Variants in SCN2A observed in about 807,000 individuals in gnomAD.
SCN2A encodes sodium voltage-gated channel alpha subunit 2.
Under a neutral mutation model 188.7 loss-of-function variants are expected in SCN2A, and 20 were observed. The ratio of observed to expected loss-of-function variants is 0.11; its 90% CI spans 0.07 to 0.15. SCN2A has a LOEUF of 0.15. Among genes scored for constraint, SCN2A ranks in the 10% least tolerant of loss-of-function variants. The pLI, the probability that SCN2A is intolerant of heterozygous loss-of-function variation, is 1.00. For missense variants in SCN2A, 1,278 were observed against 2,445.0 expected (o/e 0.52, Z 10.07); for synonymous variants, 804 against 833.1 (o/e 0.97, Z 0.60).
In SCN2A at chr2:165,288,579, C is replaced by T. The variant is rs527909683; in HGVS notation, c.-51-7194C>T. 1.2e-4 allele frequency among the ~76,000 whole-genome samples: 18 copies of T among 150,964 alleles called. No individual in the cohort carries two copies. The Middle Eastern group carries it at 0.01, about 87-fold the overall frequency. On this transcript the variant is annotated intron_variant, in intron 1 of 26. Transcript: ENST00000375437. ...GCTTTTCTCACCAGTAAACACTGAA[C>T]GTGAGTTCTTCATATTCTACTATTC...
At chr2:165,372,176 G>A (rs964975822) in intron 20 of SCN2A, 1 of 152,024 alleles carries the variant, frequency 6.6e-6, no homozygotes, top group Admixed American at 6.6e-5. Context: ...TGTTAAAAAG[G>A]GACTTACAAA....
chr2:165,363,271 G>A (rs1700552844), intron 17 of SCN2A, among the ~76,000 whole-genome samples: 1 of 152,112 alleles, frequency 6.6e-6, no homozygotes, highest in African/African-American at 2.4e-5. Flanking sequence ...ATGTCAGCCT[G>A]AGCATTTGCA....
intron 5 of SCN2A, 148 bp from the exon 6 acceptor site, chr2:165,309,204 T>C (rs1315847896): frequency 1.2e-6 from 2 of 1,613,654 alleles, no homozygotes; most frequent in South Asian, 1.1e-5. Flanking sequence ...ATGTTTCAGC[T>C]CTTCGAACTT....
chr2:165,305,591 G>A (rs552425282), intron 3 of SCN2A, among the ~76,000 whole-genome samples: 6 of 142,842 alleles, frequency 4.2e-5, no homozygotes, highest in Non-Finnish European at 9.2e-5. Flanking sequence ...CCAGGGAATT[G>A]GAACCTCCTG....
chr2:165,375,990 A>C (rs1456688180), intron 22 of SCN2A, among the ~76,000 whole-genome samples: 2 of 151,962 alleles, frequency 1.3e-5, no homozygotes, highest in Non-Finnish European at 2.9e-5. Flanking sequence ...TATATATGGA[A>C]TCTAAAAAAC....
chr2:165,271,072 C>A (rs919638266), intron 1 of SCN2A: 2 of 152,094 alleles, frequency 1.3e-5, no homozygotes, highest in African/African-American at 4.8e-5. Flanking sequence ...TTTTAAAAAT[C>A]TGTTCAAGCT....
intron 17 of SCN2A, among the ~76,000 whole-genome samples, chr2:165,359,669 G>A (rs923669495): frequency 6.6e-6 from 1 of 152,054 alleles, no homozygotes; most frequent in African/African-American, 2.4e-5. Flanking sequence ...GGTGGAATGG[G>A]TTCAACAGAC....
Position 165,269,865 on chromosome 2 carries a change from A to G in SCN2A, c.-51-25908A>G, listed in dbSNP as rs185733295. 375 of 152,066 alleles carry G rather than the reference A, an allele frequency of 2.5e-3. 3 individuals are homozygous for G. Among genetic ancestry groups the G allele is most frequent in the African/African-American group, 8.4e-3 (350 of 41,526 alleles). 9.4% of individuals were successfully genotyped at this position (152,066 alleles called of 1,614,324 possible). ...CATTTATAACATCTTATTTCTTCTG[A>G]AAACAACCAACACAACCCATTTCTT... On this transcript the variant is annotated intron_variant, in intron 1 of 26. Transcript: ENST00000375437.
At chr2:165,259,314 G>A (rs1694471126) in intron 1 of SCN2A, among the ~76,000 whole-genome samples, 2 of 152,156 alleles carry the variant, frequency 1.3e-5, no homozygotes, top group African/African-American at 4.8e-5. Context: ...AGGTTGAGTG[G>A]CTGTGGCAAC....
intron 23 of SCN2A, among the ~76,000 whole-genome samples, chr2:165,379,776 A>G (rs546456752): frequency 2.6e-5 from 4 of 151,848 alleles, no homozygotes; most frequent in African/African-American, 7.2e-5. Context: ...TTGATTTCAT[A>G]ACACAGTGGG....
At chr2:165,377,445 G>T (rs894945683) in intron 22 of SCN2A, 152 bp from the exon 23 acceptor site, 13 of 597,776 alleles carry the variant, frequency 2.2e-5, no homozygotes, top group Non-Finnish European at 3.5e-5. Context: ...AATGCATATC[G>T]CAAAACATTG....
Position 165,295,941 on chromosome 2 carries a change from G to A in SCN2A, c.118G>A (p.Glu40Lys), listed in dbSNP as rs1553564192. 6.2e-7 allele frequency: 1 copy of A among 1,614,094 alleles called. No homozygotes were observed. Among genetic ancestry groups the A allele is most frequent in the Non-Finnish European group, 8.5e-7 (1 of 1,180,024 alleles). Residue 40 changes from glutamate (E) to lysine (K), a missense_variant, in exon 2 of 27, where the codon GAA becomes AAA. Glu to Lys is a moderately conservative substitution (Grantham distance 56, BLOSUM62 1). Around this residue, in one of 17 missense-constraint regions of SCN2A, gnomAD observed 141 missense variants for 185.4 expected, o/e 0.76. Coordinates refer to ENST00000375437, the MANE Select transcript of SCN2A (RefSeq NM_001040142.2). ...AEEKAKRPKQ[E>K]RKDEDDENGP... ...AGAGAAAGCTAAGAGACCCAAACAGGAACGCAAGGATGAGGATGATGAAAA... is the reference window on the plus strand; with the variant it reads ...AGAGAAAGCTAAGAGACCCAAACAGAAACGCAAGGATGAGGATGATGAAAA...
At position 165,239,436 on chromosome 2, in the gene SCN2A, A is replaced by G. The variant is rs954649105; in HGVS notation, c.-256A>G. 2 of 154,780 alleles carry G rather than the reference A, an allele frequency of 1.3e-5. No homozygotes were observed. Among genetic ancestry groups the G allele is most frequent in the African/African-American group, 4.8e-5 (2 of 41,486 alleles). The allele number at this position is 154,780 out of a possible 1,614,324, so 9.6% of individuals were successfully genotyped here. ...TCTAACAGACATTGGGTACCATCGA[A>G]TGACTGTCAGAACAGAAAGCTAAGG... On this transcript the variant is annotated 5_prime_UTR_variant, in exon 1 of 27. The change abolishes an upstream ATG in the 5' untranslated region. Transcript: ENST00000375437.
intron 16 of SCN2A, among the ~76,000 whole-genome samples, chr2:165,350,617 C>T (rs911487842): frequency 5.4e-5 from 8 of 147,016 alleles, no homozygotes; most frequent in Non-Finnish European, 1.2e-4. Context: ...AGACTACAGG[C>T]GCCCGCCACT....
intron 16 of SCN2A, 85 bp downstream of exon 16, chr2:165,344,996 T>C (rs1196964920): frequency 6.4e-7 from 1 of 1,562,032 alleles, no homozygotes; most frequent in African/African-American, 1.4e-5. Flanking sequence ...ATATTTTGTA[T>C]TTTTTAAATC....
intron 17 of SCN2A, among the ~76,000 whole-genome samples, chr2:165,358,738 C>T (rs912692782): frequency 3.9e-5 from 6 of 151,974 alleles, no homozygotes; most frequent in South Asian, 2.1e-4. Flanking sequence ...AACTTTCTCC[C>T]GAAGAATATT....
At chr2:165,359,786 G>A (rs1700364665) in intron 17 of SCN2A, among the ~76,000 whole-genome samples, 1 of 151,902 alleles carries the variant, frequency 6.6e-6, no homozygotes. Context: ...TTTAATATAA[G>A]AACAAAATGG....
chr2:165,242,949 C>T (rs1693684053), intron 1 of SCN2A, among the ~76,000 whole-genome samples: 1 of 152,126 alleles, frequency 6.6e-6, no homozygotes, highest in Non-Finnish European at 1.5e-5. Flanking sequence ...TCAGTTTGTT[C>T]CTCAGTAAAG....
At chr2:165,308,593 A>G (rs1697261836) in intron 4 of SCN2A, 73 bp from the exon 5 acceptor site, 1 of 1,540,930 alleles carries the variant, frequency 6.5e-7, no homozygotes, top group South Asian at 1.1e-5. Context: ...TTTGCTGTTT[A>G]TGTCATCTTT....
Sources: gnomAD v4.1 joint callset for allele counts (sites outside exome capture counted in the v4.1 genomes callset) on GRCh38, gnomAD v4.1.1 for gene constraint, gnomAD v4.1.1 regional missense constraint, MANE v1.5 for transcripts, NCBI Gene and HGNC (gene_info 2026-07-23, HGNC 2026-07-21) for gene names.